The following KCNH1 variants were observed in gnomAD, a reference collection of about 807,000 sequenced individuals.
KCNH1 encodes the protein voltage-gated delayed rectifier potassium channel KCNH1.
A neutral mutation model predicts 69.2 loss-of-function variants in KCNH1; 27 were observed. The observed-to-expected ratio is 0.39, with a 90% CI of 0.29 to 0.54. The LOEUF is 0.54. Among genes scored for constraint, KCNH1 ranks in the 20% least tolerant of loss-of-function variants. The pLI is 0.68. For missense variants in KCNH1, 798 were observed against 1,261.6 expected (o/e 0.63, Z 5.57); for synonymous variants, 456 against 487.7 (o/e 0.93, Z 0.86).
At chr1:211,116,122 C>A (rs1691577650) in intron 1 of KCNH1, among the ~76,000 whole-genome samples, 1 of 152,112 alleles carries the variant, frequency 6.6e-6, no homozygotes, top group Non-Finnish European at 1.5e-5. Flanking sequence ...GGCAACAGAG[C>A]AAGACCCTGT....
rs182557075 is a variant in KCNH1 at position 210,723,803 on chromosome 1, C to A, written c.2113-39665G>T. Among the ~76,000 whole-genome samples, 606 of 152,276 alleles carry A rather than the reference C, an allele frequency of 4.0e-3. 5 individuals carry two copies. Among genetic ancestry groups the A allele is most frequent in the African/African-American group, 0.014 (568 of 41,566 alleles). On this transcript the variant is annotated intron_variant, in intron 10 of 10. Transcript: ENST00000271751. ...AGCACTTGAAAGGTTAACAAAGGGA[C>A]ACGTGTGAGTTGAAGCATGGTTGGG...
intron 7 of KCNH1, chr1:210,859,678 T>C: frequency 7.7e-7 from 1 of 1,293,426 alleles, no homozygotes; most frequent in Non-Finnish European, 1.1e-6. Flanking sequence ...TTTTAATCCA[T>C]TAAATAAAAG....
Position 210,691,785 on chromosome 1 carries a change from A to G in KCNH1, c.2113-7647T>C, listed in dbSNP as rs376135223. Among the ~76,000 whole-genome samples the G allele has an allele frequency of 2.4e-3, 358 of 152,322 alleles. 4 individuals are homozygous for G. The highest frequency in any genetic ancestry group is 8.3e-3 in the African/African-American group (346 of 41,580). On this transcript the variant is annotated intron_variant, in intron 10 of 10. Transcript: ENST00000271751. Reference sequence around the variant, plus strand: ...CGGCTGTGTGGTCTTTTAACTTGTCAGGATGGACCAATGACTTAGGGTGAA... The same window carrying G: ...CGGCTGTGTGGTCTTTTAACTTGTCGGGATGGACCAATGACTTAGGGTGAA...
intron 6 of KCNH1, among the ~76,000 whole-genome samples, chr1:210,941,235 G>A (rs115417592): frequency 6.4e-4 from 97 of 152,256 alleles, no homozygotes; most frequent in African/African-American, 2.2e-3. Context: ...CTATGCAATC[G>A]AATTTGGCCT....
chr1:210,835,332 A>G lies in KCNH1; in HGVS notation c.1463-31166T>C, dbSNP rs542495758. ...ACACAAAAAGTATAAAGGCCATTAAATATGTTCATGTGTGCCAGAATTCCA... is the reference window on the plus strand; with the variant it reads ...ACACAAAAAGTATAAAGGCCATTAAGTATGTTCATGTGTGCCAGAATTCCA... On this transcript the variant is annotated intron_variant, in intron 7 of 10. Transcript: ENST00000271751. Among the ~76,000 whole-genome samples, 28 of 152,322 alleles carry G rather than the reference A, an allele frequency of 1.8e-4. 1 individual carries two copies. The South Asian group carries it at 5.4e-3, about 29-fold the overall frequency.
At position 210,807,249 on chromosome 1, in the gene KCNH1, T is replaced by C. The variant is rs574412623; in HGVS notation, c.1463-3083A>G. Among the ~76,000 whole-genome samples the C allele has an allele frequency of 5.3e-5, 8 of 152,242 alleles. No homozygotes were observed. In the East Asian group the frequency reaches 1.5e-3, roughly 29 times the overall value. ...GAGATCTCCTTGTGCTTCCCCTTTA[T>C]GGTCACGCTTCCCTCAGCAATCACA... On this transcript the variant is annotated intron_variant, in intron 7 of 10. Coordinates refer to ENST00000271751, the MANE Select transcript of KCNH1 (RefSeq NM_172362.3).
chr1:210,757,482 T>G (rs1306168583), intron 10 of KCNH1, among the ~76,000 whole-genome samples: 1 of 152,222 alleles, frequency 6.6e-6, no homozygotes, highest in African/African-American at 2.4e-5. Flanking sequence ...ATTCCCACTC[T>G]TCCTTTAAGG....
chr1:210,871,475 A>C (rs575699611), intron 7 of KCNH1, among the ~76,000 whole-genome samples: 1 of 152,344 alleles, frequency 6.6e-6, no homozygotes, highest in South Asian at 2.1e-4. Context: ...CAGTTCAACC[A>C]TTGTGGAAGT....
At chr1:210,829,090 T>C (rs112801861) in intron 7 of KCNH1, among the ~76,000 whole-genome samples, 3,953 of 152,246 alleles carry the variant, frequency 0.026, 166 homozygotes, top group African/African-American at 0.091. Context: ...GCATCTCTCC[T>C]GAGGGCAGTG....
At chr1:211,022,943 C>T (rs916954681) in intron 5 of KCNH1, among the ~76,000 whole-genome samples, 1 of 151,644 alleles carries the variant, frequency 6.6e-6, no homozygotes, top group African/African-American at 2.4e-5. Context: ...AAAACCCCAT[C>T]TCTACTAAAA....
chr1:210,888,344 AGT>A (rs1283330514), intron 7 of KCNH1, among the ~76,000 whole-genome samples: 1 of 152,114 alleles, frequency 6.6e-6, no homozygotes, highest in Non-Finnish European at 1.5e-5. Flanking sequence ...GAAATAAATA[AGT>A]TCCTTGAAAC....
At chr1:210,904,470 T>C (rs56054671) in intron 7 of KCNH1, among the ~76,000 whole-genome samples, 13,967 of 152,106 alleles carry the variant, frequency 0.092, 1,434 homozygotes, top group African/African-American at 0.25. Context: ...TGAGGTAGTA[T>C]TATTTAATTT....
At chr1:210,981,385 A>AAAAAAAAAAAAAAAAAAAC (rs1688706923) in intron 6 of KCNH1, among the ~76,000 whole-genome samples, 1 of 151,386 alleles carries the variant, frequency 6.6e-6, no homozygotes, top group Non-Finnish European at 1.5e-5. Flanking sequence ...AAAAAAAAAA[A>AAAAAAAAAAAAAAAAAAAC]AAAAAAAGAA....
chr1:210,830,521 T>A (rs1392124263), intron 7 of KCNH1, among the ~76,000 whole-genome samples: 1 of 151,940 alleles, frequency 6.6e-6, no homozygotes, highest in African/African-American at 2.4e-5. Flanking sequence ...TCACACAGAA[T>A]AAACCAGATT....
intron 10 of KCNH1, among the ~76,000 whole-genome samples, chr1:210,772,848 A>T (rs1016891612): frequency 1.3e-5 from 2 of 152,156 alleles, no homozygotes; most frequent in Non-Finnish European, 2.9e-5. Context: ...CCCTGTGGCT[A>T]TAAAAAATCC....
At chr1:210,981,618 G>A (rs543254948) in intron 6 of KCNH1, among the ~76,000 whole-genome samples, 1 of 152,152 alleles carries the variant, frequency 6.6e-6, no homozygotes, top group East Asian at 1.9e-4. Context: ...GACATAATCT[G>A]AAACCAGGTT....
At position 211,133,798 on chromosome 1, in the gene KCNH1, G is replaced by T. The variant is rs1406174561; in HGVS notation, c.79+69C>A. 4 of 1,412,464 alleles carry T rather than the reference G, an allele frequency of 2.8e-6. No individual in the cohort carries two copies. The highest frequency in any genetic ancestry group is 4.0e-6 in the Non-Finnish European group (4 of 1,005,892). The allele number at this position is 1,412,464 out of a possible 1,614,324, so 87.5% of individuals were successfully genotyped here. A position where few individuals can be genotyped will look rare whatever the true frequency, so the allele number is the denominator to read the frequency against. On this transcript the variant is annotated intron_variant, in intron 1 of 10. Transcript: ENST00000271751. This position sits in a 1 kb window ranked among gnomAD's most constrained non-coding sequence, Gnocchi z 5.4. Reference sequence around the variant, plus strand: ...TCTGCTGCATCTGCTGGCTCCGAGCGGCGAGAGGTTCTGCAATAAAGGCAC... The same window carrying T: ...TCTGCTGCATCTGCTGGCTCCGAGCTGCGAGAGGTTCTGCAATAAAGGCAC...
At chr1:210,847,705 A>G (rs1286523949) in intron 7 of KCNH1, among the ~76,000 whole-genome samples, 1 of 152,072 alleles carries the variant, frequency 6.6e-6, no homozygotes, top group African/African-American at 2.4e-5. Context: ...CGTTGTGCAC[A>G]TGTACCCTAA....
intron 8 of KCNH1, among the ~76,000 whole-genome samples, chr1:210,799,847 C>T (rs1158046153): frequency 6.6e-6 from 1 of 152,214 alleles, no homozygotes; most frequent in African/African-American, 2.4e-5. Context: ...CTCACCTCAC[C>T]ACTGATGGCT....
Sources: allele counts gnomAD v4.1 joint callset (sites outside exome capture counted in the v4.1 genomes callset), GRCh38; gene constraint gnomAD v4.1.1; non-coding constraint Gnocchi (gnomAD v3.1); transcripts MANE v1.5; gene names NCBI Gene and HGNC (gene_info 2026-07-23, HGNC 2026-07-21).